The following FAF1 variants were observed in gnomAD, a reference collection of about 807,000 sequenced individuals.
FAF1 encodes the protein FAS-associated factor 1.
In FAF1, 25 loss-of-function variants were observed where a neutral mutation model predicts 92.5. That is an observed-to-expected ratio of 0.27 (90% CI 0.20 to 0.38). The LOEUF (loss-of-function observed/expected upper bound fraction) is 0.38. Among genes scored for constraint, FAF1 ranks in the 10% least tolerant of loss-of-function variants. FAF1 has a pLI of 1.00. For missense variants in FAF1, 636 were observed against 793.3 expected (o/e 0.80, Z 2.38); for synonymous variants, 234 against 273.2 (o/e 0.86, Z 1.42).
chr1:50,596,528 T>G (rs548669612), intron 8 of FAF1, among the ~76,000 whole-genome samples: 3 of 152,314 alleles, frequency 2.0e-5, no homozygotes, highest in Admixed American at 2.0e-4. Context: ...CTGCTACTTT[T>G]CTGATTAGCA....
chr1:50,656,852 C>T (rs1339408283), intron 7 of FAF1, among the ~76,000 whole-genome samples: 2 of 152,080 alleles, frequency 1.3e-5, no homozygotes, highest in Non-Finnish European at 2.9e-5. Flanking sequence ...CACTGCGCTC[C>T]AGCCTGGGCA....
chr1:50,569,979 G>A (rs1033810709), intron 12 of FAF1, among the ~76,000 whole-genome samples: 2 of 152,124 alleles, frequency 1.3e-5, no homozygotes, highest in South Asian at 2.1e-4. Flanking sequence ...AGAGACAGGC[G>A]AAGATCAGGC....
At chr1:50,528,760 T>C (rs1001454285) in intron 15 of FAF1, among the ~76,000 whole-genome samples, 4 of 152,108 alleles carry the variant, frequency 2.6e-5, no homozygotes, top group African/African-American at 9.7e-5. Context: ...GCCTCCTCTT[T>C]CACCTCCTCT....
chr1:50,829,549 A>C (rs1644133994), intron 2 of FAF1, among the ~76,000 whole-genome samples: 2 of 152,218 alleles, frequency 1.3e-5, no homozygotes, highest in African/African-American at 4.8e-5. Context: ...ACAAAAGGAA[A>C]ACAGGCATGT....
At chr1:50,444,211 T>C (rs962781550) in intron 18 of FAF1, among the ~76,000 whole-genome samples, 1 of 152,192 alleles carries the variant, frequency 6.6e-6, no homozygotes, top group African/African-American at 2.4e-5. Flanking sequence ...GTGGCCATGC[T>C]GTGAAACTGT....
chr1:50,719,791 C>T (rs988620613), intron 6 of FAF1, among the ~76,000 whole-genome samples: 2 of 152,110 alleles, frequency 1.3e-5, no homozygotes, highest in Non-Finnish European at 1.5e-5. Context: ...AGAGAATACC[C>T]GCAGTTCTTT....
At chr1:50,923,142 A>T (rs558112848) in intron 1 of FAF1, among the ~76,000 whole-genome samples, 2 of 152,362 alleles carry the variant, frequency 1.3e-5, no homozygotes, top group South Asian at 4.1e-4. Context: ...CCTAAGGCTA[A>T]GTGCAATAAC....
intron 2 of FAF1, among the ~76,000 whole-genome samples, chr1:50,855,097 A>C (rs1370611830): frequency 6.6e-6 from 1 of 151,884 alleles, no homozygotes; most frequent in South Asian, 2.1e-4. Context: ...AAATATACCA[A>C]AATCTGAAAA....
chr1:50,836,951 CTTTTT>C (rs528322924), intron 2 of FAF1, among the ~76,000 whole-genome samples: 3 of 76,706 alleles, frequency 3.9e-5, no homozygotes, highest in African/African-American at 1.6e-4. Flanking sequence ...TGTTATGTTT[CTTTTT>C]TTTTTTTTTT....
chr1:50,456,576 C>CA (rs1646355031), intron 18 of FAF1, among the ~76,000 whole-genome samples: 1 of 152,186 alleles, frequency 6.6e-6, no homozygotes, highest in South Asian at 2.1e-4. Flanking sequence ...ACCAACCAAA[C>CA]AAACAAAAAT....
chr1:50,737,624 T>C lies in FAF1; in HGVS notation c.551+1239A>G, dbSNP rs191325837. Among the ~76,000 whole-genome samples, 5 of 152,316 alleles carry C rather than the reference T, an allele frequency of 3.3e-5. No homozygotes were observed. The East Asian group carries it at 7.7e-4, about 23-fold the overall frequency. On this transcript the variant is annotated intron_variant, in intron 6 of 18. Coordinates refer to ENST00000396153, the MANE Select transcript of FAF1 (RefSeq NM_007051.3). ...TTCCCATTAACATACGGTCTAAACA[T>C]AGAAAATAAAGAGCAATCCAAGAAC...
At chr1:50,959,619 C>G (rs1320457572) in intron 1 of FAF1, 148 bp downstream of exon 1, 2 of 522,990 alleles carry the variant, frequency 3.8e-6, no homozygotes, top group Non-Finnish European at 6.9e-6. Flanking sequence ...CTCCATAGCT[C>G]GCCACACACA....
At chr1:50,528,998 A>C (rs1018642999) in intron 15 of FAF1, among the ~76,000 whole-genome samples, 1 of 152,208 alleles carries the variant, frequency 6.6e-6, no homozygotes, top group Non-Finnish European at 1.5e-5. Flanking sequence ...TACAAAATAC[A>C]TGTTAATCAA....
At chr1:50,637,681 ATGTGTGTGTG>A (rs142201244) in intron 8 of FAF1, among the ~76,000 whole-genome samples, 7 of 137,152 alleles carry the variant, frequency 5.1e-5, no homozygotes, top group South Asian at 4.8e-4. Context: ...ACATATATAT[ATGTGTGTGTG>A]TGTGTGTGTG....
chr1:50,648,760 C>T (rs1228116767), intron 8 of FAF1, among the ~76,000 whole-genome samples: 1 of 152,110 alleles, frequency 6.6e-6, no homozygotes, highest in Non-Finnish European at 1.5e-5. Flanking sequence ...AGCCCCAGCT[C>T]TACTAAAAAT....
chr1:50,768,235 CAAG>C (rs1361218929), intron 4 of FAF1, among the ~76,000 whole-genome samples: 3 of 152,098 alleles, frequency 2.0e-5, no homozygotes, highest in Non-Finnish European at 4.4e-5. Flanking sequence ...TTCAATTCAA[CAAG>C]AAGACCTAAC....
intron 18 of FAF1, among the ~76,000 whole-genome samples, chr1:50,457,481 G>T (rs1407529276): frequency 6.6e-6 from 1 of 152,150 alleles, no homozygotes; most frequent in South Asian, 2.1e-4. Context: ...CAGACTTTAA[G>T]TGAGCAAAGC....
At chr1:50,880,171 G>C (rs113179718) in intron 1 of FAF1, among the ~76,000 whole-genome samples, 1 of 152,082 alleles carries the variant, frequency 6.6e-6, no homozygotes, top group African/African-American at 2.4e-5. Context: ...AGTGTCTAAG[G>C]AGCATGCTTT....
intron 4 of FAF1, among the ~76,000 whole-genome samples, chr1:50,781,532 A>G (rs941100809): frequency 3.3e-5 from 5 of 152,176 alleles, no homozygotes; most frequent in African/African-American, 7.2e-5. Context: ...CTGAAGGGAA[A>G]AACAGACACC....
Sources: allele counts gnomAD v4.1 joint callset (sites outside exome capture counted in the v4.1 genomes callset), GRCh38; gene constraint gnomAD v4.1.1; transcripts MANE v1.5; gene names NCBI Gene and HGNC (gene_info 2026-07-23, HGNC 2026-07-21).